MLIP: variants seen among roughly 807,000 people sequenced by gnomAD.
MLIP encodes the protein muscular LMNA-interacting protein.
Under a neutral mutation model 84.8 loss-of-function variants are expected in MLIP, and 79 were observed. The observed-to-expected ratio is 0.93, with a 90% CI of 0.78 to 1.12. The LOEUF is 1.12. Among genes scored for constraint, MLIP ranks in the 50% most tolerant of loss-of-function variants. The pLI is 0.00. For synonymous variants in MLIP, 504 were observed against 463.0 expected, an observed-to-expected ratio of 1.09 and a Z score of -1.14; for missense variants, 1,257 against 1,160.6, an observed-to-expected ratio of 1.08 and a Z score of -1.21.
chr6:54,078,104 C>T (rs573455838), intron 1 of MLIP, among the ~76,000 whole-genome samples: 13 of 152,308 alleles, frequency 8.5e-5, no homozygotes, highest in African/African-American at 2.9e-4. Flanking sequence ...ATTTACCTCC[C>T]CTGACGGGCA....
intron 8 of MLIP, among the ~76,000 whole-genome samples, chr6:54,168,485 C>T (rs973422835): frequency 2.0e-5 from 3 of 151,788 alleles, no homozygotes; most frequent in South Asian, 2.1e-4. Flanking sequence ...ATATAATTCA[C>T]GTATTTATGA....
intron 1 of MLIP, among the ~76,000 whole-genome samples, chr6:54,114,929 T>C (rs1436038313): frequency 6.6e-6 from 1 of 152,118 alleles, no homozygotes; most frequent in African/African-American, 2.4e-5. Context: ...ATAAATGTGG[T>C]GTTGGGGGCC....
intron 1 of MLIP, among the ~76,000 whole-genome samples, chr6:54,101,482 T>C (rs936504588): frequency 2.0e-5 from 3 of 152,118 alleles, no homozygotes; most frequent in South Asian, 2.1e-4. Flanking sequence ...TTTATAAAAA[T>C]AGAACTAAAT....
At position 54,137,397 on chromosome 6, in the gene MLIP, C is replaced by T. The variant is rs1771906283; in HGVS notation, c.1328C>T (p.Ser443Phe). ...PASCPTFSLN[S>F]PASSTLTLDQ... is the part of the protein sequence containing the mutation. ...TCCTGTCCCACCTTCTCTCTCAACT[C>T]CCCGGCCTCTTCCACGCTCACACTT... Residue 443 changes from serine to phenylalanine, a missense_variant, in exon 4 of 14, where the codon TCC becomes TTC. Physicochemically the swap from Ser to Phe is radical, Grantham distance 155. Coordinates refer to ENST00000502396, the MANE Select transcript of MLIP (RefSeq NM_001281747.2). The T allele has an allele frequency of 1.3e-6, 2 of 1,536,024 alleles. No homozygotes were observed. Among genetic ancestry groups the T allele is most frequent in the Non-Finnish European group, 1.7e-6 (2 of 1,146,888 alleles).
intron 4 of MLIP, among the ~76,000 whole-genome samples, chr6:54,147,508 A>G (rs1032063687): frequency 1.3e-5 from 2 of 152,134 alleles, no homozygotes; most frequent in Admixed American, 1.3e-4. Context: ...CTCATGTAGG[A>G]GATGGGAGTG....
intron 12 of MLIP, among the ~76,000 whole-genome samples, chr6:54,233,871 T>G (rs571737454): frequency 1.1e-4 from 16 of 152,206 alleles, no homozygotes; most frequent in Non-Finnish European, 2.2e-4. Context: ...GTTTCCTGAC[T>G]TTTTAATGAT....
At chr6:54,084,665 T>C (rs1181352490) in intron 1 of MLIP, among the ~76,000 whole-genome samples, 5 of 152,228 alleles carry the variant, frequency 3.3e-5, no homozygotes, top group Admixed American at 1.3e-4. Flanking sequence ...TATTTTTTTC[T>C]TTTTGAATTC....
intron 1 of MLIP, among the ~76,000 whole-genome samples, chr6:54,034,949 C>T (rs1764343227): frequency 6.6e-6 from 1 of 152,102 alleles, no homozygotes; most frequent in South Asian, 2.1e-4. Flanking sequence ...TTTTACTGTA[C>T]CTTTTCTATG....
intron 1 of MLIP, among the ~76,000 whole-genome samples, chr6:54,044,636 G>A (rs1018631635): frequency 4.4e-4 from 64 of 145,834 alleles, no homozygotes; most frequent in Non-Finnish European, 6.5e-4. Context: ...CGTGGTAGAC[G>A]TTTTTTTTTT....
At chr6:54,214,713 G>A (rs1779726684) in intron 11 of MLIP, among the ~76,000 whole-genome samples, 1 of 152,016 alleles carries the variant, frequency 6.6e-6, no homozygotes, top group East Asian at 1.9e-4. Flanking sequence ...TTGCAATTCT[G>A]CTTTAACATT....
chr6:54,139,315 A>G (rs977545432), intron 4 of MLIP, among the ~76,000 whole-genome samples: 1 of 152,250 alleles, frequency 6.6e-6, no homozygotes, highest in South Asian at 2.1e-4. Context: ...ATAAATAATC[A>G]TCAACTGAGT....
chr6:54,123,203 G>A (rs1386309197), intron 2 of MLIP, among the ~76,000 whole-genome samples: 6 of 152,032 alleles, frequency 3.9e-5, no homozygotes, highest in Admixed American at 3.9e-4. Context: ...CCAAAGTGCT[G>A]GGATTACAGG....
At chr6:54,105,353 A>G (rs1478326134) in intron 1 of MLIP, among the ~76,000 whole-genome samples, 1 of 152,228 alleles carries the variant, frequency 6.6e-6, no homozygotes, top group Non-Finnish European at 1.5e-5. Flanking sequence ...AGGAAAGTTG[A>G]CATTAGGTTG....
chr6:54,161,631 G>A (rs1229199504), intron 8 of MLIP, among the ~76,000 whole-genome samples: 1 of 151,648 alleles, frequency 6.6e-6, no homozygotes, highest in Non-Finnish European at 1.5e-5. Flanking sequence ...ATGGGACACT[G>A]TGTGTCTAAA....
At chr6:54,204,248 G>A (rs1179304832) in intron 11 of MLIP, among the ~76,000 whole-genome samples, 1 of 152,076 alleles carries the variant, frequency 6.6e-6, no homozygotes, top group African/African-American at 2.4e-5. Flanking sequence ...GGGAAATTTT[G>A]TTGATATATA....
At chr6:54,190,952 A>C (rs547002211) in intron 10 of MLIP, among the ~76,000 whole-genome samples, 25 of 151,466 alleles carry the variant, frequency 1.7e-4, no homozygotes, top group East Asian at 7.8e-4. Flanking sequence ...CCCGCCACCG[A>C]GCCCGGCTAA....
At chr6:54,168,853 C>CTTTTTTT (rs3996971) in intron 8 of MLIP, among the ~76,000 whole-genome samples, 3 of 118,828 alleles carry the variant, frequency 2.5e-5, no homozygotes, top group East Asian at 2.8e-4. Context: ...GGGTTGAGGT[C>CTTTTTTT]TTTTTTTTTT....
chr6:54,203,792 G>GT (rs1484326414), intron 11 of MLIP: 1 of 152,180 alleles, frequency 6.6e-6, no homozygotes, highest in Non-Finnish European at 1.5e-5. Context: ...CACCATGCCG[G>GT]CCAGGCTGGT....
chr6:54,099,438 A>C (rs1008602487), intron 1 of MLIP: 2 of 152,212 alleles, frequency 1.3e-5, no homozygotes, highest in Admixed American at 1.3e-4. Context: ...TGTCATTAGA[A>C]TATCTCAAAG....
Sources: gnomAD v4.1 joint callset for allele counts (sites outside exome capture counted in the v4.1 genomes callset) on GRCh38, gnomAD v4.1.1 for gene constraint, MANE v1.5 for transcripts, NCBI Gene and HGNC (gene_info 2026-07-23, HGNC 2026-07-21) for gene names.